The following NGEF variants were observed in gnomAD, a reference collection of about 807,000 sequenced individuals.
NGEF encodes the protein ephexin-1.
Under a neutral mutation model 80.9 loss-of-function variants are expected in NGEF, and 31 were observed. That is an observed-to-expected ratio of 0.38 (90% confidence interval 0.29 to 0.52). NGEF has a LOEUF of 0.52. Among genes scored for constraint, NGEF ranks in the 20% least tolerant of loss-of-function variants. The pLI is 0.84. For synonymous variants in NGEF, 371 were observed against 370.2 expected (o/e 1.00, Z -0.03); for missense variants, 709 against 926.2 (o/e 0.77, Z 3.04).
intron 9 of NGEF, among the ~76,000 whole-genome samples, chr2:232,886,699 A>G (rs1691707142): frequency 1.3e-5 from 2 of 152,266 alleles, no homozygotes; most frequent in Non-Finnish European, 2.9e-5. Flanking sequence ...AAGAACTTTA[A>G]AAACAGAAAA....
chr2:232,943,172 T>C (rs1433560449), intron 3 of NGEF, among the ~76,000 whole-genome samples: 1 of 152,082 alleles, frequency 6.6e-6, no homozygotes, highest in East Asian at 1.9e-4. Context: ...CCTTCCTTTT[T>C]TTGTGGGGGT....
chr2:233,011,139 C>T (rs1057042083), intron 1 of NGEF, among the ~76,000 whole-genome samples: 9 of 152,214 alleles, frequency 5.9e-5, no homozygotes, highest in Admixed American at 4.6e-4. Context: ...GGCCTGGCCT[C>T]GGGGGTGTGG....
intron 8 of NGEF, chr2:232,891,106 G>T (rs747321273): frequency 1.7e-6 from 1 of 575,158 alleles, no homozygotes; most frequent in East Asian, 3.9e-5. Flanking sequence ...CACCCCTGTC[G>T]TGTCGGCCCA....
chr2:233,005,014 A>G (rs1053743717), intron 1 of NGEF, among the ~76,000 whole-genome samples: 1 of 152,216 alleles, frequency 6.6e-6, no homozygotes, highest in Non-Finnish European at 1.5e-5. Flanking sequence ...GATCAGATAC[A>G]CACGGACCAC....
At chr2:232,962,248 G>T (rs1693967896) in intron 3 of NGEF, among the ~76,000 whole-genome samples, 1 of 152,174 alleles carries the variant, frequency 6.6e-6, no homozygotes, top group Middle Eastern at 3.2e-3. Context: ...TGAAAAGAAA[G>T]AAATATGGCT....
chr2:232,953,289 G>A (rs184075462), intron 3 of NGEF, among the ~76,000 whole-genome samples: 56 of 118,486 alleles, frequency 4.7e-4, no homozygotes, highest in Non-Finnish European at 7.2e-4. Flanking sequence ...GTTACAGAGC[G>A]AGACTCTGTG....
Position 232,881,268 on chromosome 2 carries a change from C to G in NGEF, c.1838-18G>C. On this transcript the variant is annotated intron_variant, in intron 13 of 14. Transcript: ENST00000264051. ...GGGGCAGTCTGAGGGACAAGAGGCA[C>G]GGGCACATCCCCACCACCGCACTAC... 2 of 1,590,898 alleles carry G rather than the reference C, an allele frequency of 1.3e-6. No individual in the cohort carries two copies. Among genetic ancestry groups the G allele is most frequent in the Non-Finnish European group, 1.7e-6 (2 of 1,168,956 alleles).
At position 232,974,659 on chromosome 2, in the gene NGEF, T is replaced by C. The variant is rs2271703; in HGVS notation, c.232A>G (p.Arg78Gly). The change falls in exon 2 of 15, where the codon AGA (arginine) becomes GGA (glycine). Residue 78 changes from arginine (R) to glycine (G), a missense_variant. Arg to Gly is a moderately radical substitution (Grantham distance 125). Around this residue, in one of 2 missense-constraint regions of NGEF, gnomAD observed 283 missense variants for 303.4 expected, o/e 0.93. Transcript: ENST00000264051. ...SIRRKSKAKA[R>G]DNPERNASCL... ...CTGGCGTTCCGTTCGGGGTTGTCTC[T>C]GGCCTTGGCTTTGCTTTTGCGTCTT... 259 of 1,614,266 alleles carry C rather than the reference T, an allele frequency of 1.6e-4. No homozygotes were observed. In the East Asian group the frequency reaches 5.6e-3, roughly 35 times the overall value.
intron 3 of NGEF, among the ~76,000 whole-genome samples, chr2:232,934,195 T>C (rs981952097): frequency 1.4e-5 from 2 of 145,810 alleles, no homozygotes; most frequent in African/African-American, 5.1e-5. Flanking sequence ...TGAGCCGAGA[T>C]TGCGCCACTG....
chr2:232,933,910 C>T (rs1380090262), intron 3 of NGEF, among the ~76,000 whole-genome samples: 1 of 152,180 alleles, frequency 6.6e-6, no homozygotes, highest in Non-Finnish European at 1.5e-5. Flanking sequence ...AGGATGGGCA[C>T]CCTGCTGCCT....
chr2:232,936,944 T>C (rs143245155), intron 3 of NGEF, among the ~76,000 whole-genome samples: 13 of 152,164 alleles, frequency 8.5e-5, no homozygotes, highest in African/African-American at 3.1e-4. Context: ...ACTTTGCAGG[T>C]CTCTAATCTG....
At chr2:232,883,536 C>T in intron 11 of NGEF, 70 bp from the exon 12 acceptor site, 8 of 1,409,694 alleles carry the variant, frequency 5.7e-6, no homozygotes, top group East Asian at 2.6e-5. Context: ...GAGAGCCCCA[C>T]TTGGCAGGCC....
rs1181622015 is a variant in NGEF at position 232,982,521 on chromosome 2, C to T, written c.-74-7557G>A. On this transcript the variant is annotated intron_variant, in intron 1 of 14. Transcript: ENST00000264051. ...GTAGGAAGCACAGGTTTGTCTTGGG[C>T]CTTTTTTTTGAGACAGAATTTTGCT... Among the ~76,000 whole-genome samples, 4 of 152,050 alleles carry T rather than the reference C, an allele frequency of 2.6e-5. No homozygotes were observed. The East Asian group carries it at 7.7e-4, about 29-fold the overall frequency.
intron 1 of NGEF, among the ~76,000 whole-genome samples, chr2:232,998,517 C>A (rs980269684): frequency 4.6e-5 from 7 of 152,192 alleles, no homozygotes; most frequent in African/African-American, 1.7e-4. Context: ...CTGGCTCTCT[C>A]TGGGGAACTA....
chr2:232,966,226 C>T (rs1436756283), intron 3 of NGEF, among the ~76,000 whole-genome samples: 2 of 152,142 alleles, frequency 1.3e-5, no homozygotes, highest in African/African-American at 2.4e-5. Flanking sequence ...GGTCCTTAGA[C>T]ATGCCTCCCG....
At chr2:232,927,856 GC>G in intron 3 of NGEF, 1 of 1,236,260 alleles carries the variant, frequency 8.1e-7, no homozygotes, top group Non-Finnish European at 1.0e-6. Context: ...GCACGCGGGG[GC>G]GGCGCGCCGG....
chr2:232,941,978 A>G (rs1390443657), intron 3 of NGEF, among the ~76,000 whole-genome samples: 1 of 142,266 alleles, frequency 7.0e-6, no homozygotes, highest in Admixed American at 6.9e-5. Context: ...ATAAATCCAC[A>G]TATACAAGTC....
intron 5 of NGEF, among the ~76,000 whole-genome samples, chr2:232,906,157 G>A (rs1444561772): frequency 1.7e-5 from 1 of 60,204 alleles, no homozygotes; most frequent in African/African-American, 6.6e-5. Flanking sequence ...CGCCCCGTCC[G>A]GGAGGGAGGT....
At chr2:232,926,812 C>T (rs1484296213) in intron 4 of NGEF, among the ~76,000 whole-genome samples, 1 of 152,212 alleles carries the variant, frequency 6.6e-6, no homozygotes, top group Non-Finnish European at 1.5e-5. Flanking sequence ...GACCTCTCCG[C>T]AGAGAGCAGG....
Sources: gnomAD v4.1 joint callset for allele counts (sites outside exome capture counted in the v4.1 genomes callset) on GRCh38, gnomAD v4.1.1 for gene constraint, gnomAD v4.1.1 regional missense constraint, MANE v1.5 for transcripts, NCBI Gene and HGNC (gene_info 2026-07-23, HGNC 2026-07-21) for gene names.